FAM163B: variants seen among roughly 807,000 people sequenced by gnomAD.
FAM163B encodes family with sequence similarity 163 member B, also known as protein FAM163B.
In FAM163B, 4 loss-of-function variants were observed where a neutral mutation model predicts 7.6. The ratio of observed to expected loss-of-function variants is 0.52; its 90% CI spans 0.26 to 1.20. FAM163B has a LOEUF of 1.20. Ranked by LOEUF, FAM163B falls within the 50% of genes most tolerant of loss-of-function variation. The pLI is 0.14. For synonymous variants in FAM163B, 120 were observed against 111.6 expected, an observed-to-expected ratio of 1.07 and a Z score of -0.47; for missense variants, 250 against 243.0, an observed-to-expected ratio of 1.03 and a Z score of -0.19.
intron 1 of FAM163B, among the ~76,000 whole-genome samples, chr9:133,589,714 T>G (rs1831507965): frequency 6.6e-6 from 1 of 152,134 alleles, no homozygotes; most frequent in Admixed American, 6.5e-5. Context: ...CTGAGTGAGC[T>G]GGGGTCTTGC....
rs771135379 is a variant in FAM163B at position 133,579,341 on chromosome 9, T to G, written c.182A>C (p.Asn61Thr). The G allele has an allele frequency of 1.9e-6, 3 of 1,613,476 alleles. No homozygotes were observed. The highest frequency in any genetic ancestry group is 2.2e-5 in the South Asian group (2 of 90,994). The change falls in exon 3 of 3, where the codon AAC becomes ACC. Residue 61 changes from asparagine to threonine, a missense_variant. Coordinates refer to ENST00000673969, the MANE Select transcript of FAM163B (RefSeq NM_001080515.3). ...VHSHLPPLHS[N>T]RNLVLTNGPA... ...CCCGTTGGTCAGCACCAGGTTGCGG[T>G]TGGAGTGCAGCGGGGGCAGGTGCGA...
chr9:133,579,087 G>C lies in FAM163B; in HGVS notation c.436C>G (p.Pro146Ala). 6.3e-7 allele frequency: 1 copy of C among 1,595,898 alleles called. No individual in the cohort carries two copies. The highest frequency in any genetic ancestry group is 1.1e-5 in the South Asian group (1 of 89,522). Residue 146 changes from proline to alanine, a missense_variant, in exon 3 of 3, where the codon CCC becomes GCC. Physicochemically the swap from Pro to Ala is conservative, Grantham distance 27. Transcript: ENST00000673969. ...GGFGGLQALN[P>A]NRLSAMREAF... ...TCCCGCATGGCTGAGAGGCGGTTGG[G>C]GTTGAGCGCCTGCAGGCCCCCGAAG...
intron 1 of FAM163B, among the ~76,000 whole-genome samples, chr9:133,599,671 G>A (rs1831684799): frequency 6.6e-6 from 1 of 151,816 alleles, no homozygotes; most frequent in Non-Finnish European, 1.5e-5. Context: ...GTGTATATGT[G>A]TGCATATGTG....
At chr9:133,602,536 G>A (rs1454342761) in intron 1 of FAM163B, among the ~76,000 whole-genome samples, 5 of 152,124 alleles carry the variant, frequency 3.3e-5, no homozygotes, top group African/African-American at 1.2e-4. Flanking sequence ...CGAACAGGAC[G>A]GCTCAGCCCA....
chr9:133,579,109 G>A lies in FAM163B; in HGVS notation c.414C>T (p.Phe138=), dbSNP rs75377207. 2.2e-3 allele frequency: 3,476 copies of A among 1,600,204 alleles called. 107 individuals are homozygous for A. In the East Asian group the frequency reaches 0.063, roughly 29 times the overall value. ...QEDVELPPGG[F]GGLQALNPNR... ...TGGGGTTGAGCGCCTGCAGGCCCCC[G>A]AAGCCCCCCGGGGGCAGCTCCACGT... Residue 138 remains phenylalanine (F), a synonymous_variant, in exon 3 of 3, where the codon TTC becomes TTT. Coordinates refer to ENST00000673969, the MANE Select transcript of FAM163B (RefSeq NM_001080515.3).
rs192881241 is a variant in FAM163B at position 133,590,020 on chromosome 9, T to C, written c.-23-9774A>G. Among the ~76,000 whole-genome samples the C allele has an allele frequency of 5.0e-3, 755 of 150,278 alleles. 8 individuals carry two copies. Among genetic ancestry groups the C allele is most frequent in the Non-Finnish European group, 7.6e-3 (510 of 67,506 alleles). ...CAGAAGTTGGGTTCGTAAAACCCTCTCTGCTGCTGGACTTAAGTTCCCTTC... is the reference window on the plus strand; with the variant it reads ...CAGAAGTTGGGTTCGTAAAACCCTCCCTGCTGCTGGACTTAAGTTCCCTTC... On this transcript the variant is annotated intron_variant, in intron 1 of 2. Transcript: ENST00000673969.
chr9:133,609,049 C>G (rs903094467), intron 1 of FAM163B, among the ~76,000 whole-genome samples, 28 bp downstream of exon 1: 2 of 152,214 alleles, frequency 1.3e-5, no homozygotes, highest in Non-Finnish European at 2.9e-5. Context: ...CCCCACACCC[C>G]GTGACCCGCG....
chr9:133,584,051 C>A (rs1422938126), intron 1 of FAM163B, among the ~76,000 whole-genome samples: 1 of 152,034 alleles, frequency 6.6e-6, no homozygotes, highest in Non-Finnish European at 1.5e-5. Context: ...ATGCCCATCC[C>A]CCCCCCGGAC....
rs890655103 is a variant in FAM163B, at chr9:133,580,257, C to T, written c.-23-11G>A. 54 of 1,576,742 alleles carry T rather than the reference C, an allele frequency of 3.4e-5. No homozygotes were observed. Among genetic ancestry groups the T allele is most frequent in the Admixed American group, 5.0e-5 (3 of 59,718 alleles). On this transcript the variant is annotated splice_polypyrimidine_tract_variant and intron_variant, in intron 1 of 2. Transcript: ENST00000673969. ...TTCTCCATCAACAGCCTGCAACACACGCCGCCAGCTTTAGAGCATCACGCT... is the reference window on the plus strand; with the variant it reads ...TTCTCCATCAACAGCCTGCAACACATGCCGCCAGCTTTAGAGCATCACGCT...
chr9:133,599,890 C>T (rs1831690877), intron 1 of FAM163B, among the ~76,000 whole-genome samples: 1 of 143,022 alleles, frequency 7.0e-6, no homozygotes. Flanking sequence ...CATGCATATG[C>T]ATGTGCAAGT....
intron 1 of FAM163B, among the ~76,000 whole-genome samples, chr9:133,592,208 C>T (rs1403901023): frequency 1.3e-5 from 2 of 152,140 alleles, no homozygotes; most frequent in Non-Finnish European, 2.9e-5. Context: ...GAGTCACTGG[C>T]TGAGGCGGAG....
intron 1 of FAM163B, among the ~76,000 whole-genome samples, chr9:133,604,882 G>C (rs13302282): frequency 0.12 from 18,838 of 152,242 alleles, 1,384 homozygotes; most frequent in South Asian, 0.29. Flanking sequence ...AAAAGAGAGA[G>C]GACGGTTCTC....
At chr9:133,596,180 T>G (rs1278589259) in intron 1 of FAM163B, among the ~76,000 whole-genome samples, 1 of 151,842 alleles carries the variant, frequency 6.6e-6, no homozygotes, top group Non-Finnish European at 1.5e-5. Context: ...ATAGGGCTTG[T>G]TGGTGGTTTG....
chr9:133,592,887 GGCAGTTACAC>G (rs1322880324), intron 1 of FAM163B, among the ~76,000 whole-genome samples: 1 of 152,112 alleles, frequency 6.6e-6, no homozygotes, highest in Non-Finnish European at 1.5e-5. Context: ...AATCACCTGG[GGCAGTTACAC>G]CTGCCCCAGA....
chr9:133,585,067 AG>A (rs1250909165), intron 1 of FAM163B, among the ~76,000 whole-genome samples: 1 of 152,206 alleles, frequency 6.6e-6, no homozygotes, highest in Non-Finnish European at 1.5e-5. Context: ...CCCCCACCCC[AG>A]TCCACAGAGT....
intron 1 of FAM163B, among the ~76,000 whole-genome samples, chr9:133,589,375 CAA>C (rs1303964624): frequency 6.6e-6 from 1 of 152,192 alleles, no homozygotes; most frequent in African/African-American, 2.4e-5. Context: ...GACAAGGAAA[CAA>C]GAGAGCCAAG....
intron 1 of FAM163B, among the ~76,000 whole-genome samples, chr9:133,590,119 TTCCCCTC>T (rs1564193594): frequency 6.2e-4 from 12 of 19,344 alleles, no homozygotes; most frequent in African/African-American, 1.1e-3. Flanking sequence ...TCCCCTCCCC[TTCCCCTC>T]CCCTTCCCCT....
Position 133,600,806 on chromosome 9 carries a change from A to G in FAM163B, c.-24+8271T>C, listed in dbSNP as rs568006120. Among the ~76,000 whole-genome samples, 1 of 152,280 alleles carries G rather than the reference A, an allele frequency of 6.6e-6. No individual in the cohort carries two copies. The highest frequency in any genetic ancestry group is 1.9e-4 in the East Asian group (1 of 5,182). On this transcript the variant is annotated intron_variant, in intron 1 of 2. Coordinates refer to ENST00000673969, the MANE Select transcript of FAM163B (RefSeq NM_001080515.3). The surrounding 1 kb of genome is among the most constrained non-coding windows in gnomAD (Gnocchi z 4.9). ...GATTCGGAAGGGACTTTGGAAGATA[A>G]CTAGTGTAATCGCAAGCTCAGTGAA...
chr9:133,591,817 C>A (rs1831557041), intron 1 of FAM163B, among the ~76,000 whole-genome samples: 1 of 152,168 alleles, frequency 6.6e-6, no homozygotes, highest in African/African-American at 2.4e-5. Context: ...CTGACCCTCA[C>A]CCTAGGCCTG....
Sources: allele counts gnomAD v4.1 joint callset (sites outside exome capture counted in the v4.1 genomes callset), GRCh38; gene constraint gnomAD v4.1.1; non-coding constraint Gnocchi (gnomAD v3.1); transcripts MANE v1.5; gene names NCBI Gene and HGNC (gene_info 2026-07-23, HGNC 2026-07-21).